FAM169A: variants seen among roughly 807,000 people sequenced by gnomAD.
FAM169A encodes the protein family with sequence similarity 169 member A, also known as soluble lamin-associated protein of 75 kDa.
Under a neutral mutation model 75.7 loss-of-function variants are expected in FAM169A, and 24 were observed. That is an observed-to-expected ratio of 0.32 (90% confidence interval 0.23 to 0.45). FAM169A has a LOEUF of 0.45. Among genes scored for constraint, FAM169A ranks in the 20% least tolerant of loss-of-function variants. The probability of loss-of-function intolerance (pLI) is 1.00; values close to 1 mark genes in which losing one functional copy is unlikely to be tolerated. For missense variants in FAM169A, 673 were observed against 784.0 expected, an observed-to-expected ratio of 0.86 and a Z score of 1.69; for synonymous variants, 271 against 271.0, an observed-to-expected ratio of 1.00 and a Z score of 0.00.
chr5:74,863,045 G>A (rs1347813208), intron 1 of FAM169A, among the ~76,000 whole-genome samples: 1 of 150,910 alleles, frequency 6.6e-6, no homozygotes, highest in African/African-American at 2.4e-5. Flanking sequence ...AAAAAGGCAG[G>A]GGTGGGAGGA....
At chr5:74,799,665 C>T (rs547259869) in intron 10 of FAM169A, 73 of 1,318,672 alleles carry the variant, frequency 5.5e-5, no homozygotes, top group South Asian at 2.3e-4. Context: ...GGGCCAGCCA[C>T]GACAGCACCA....
intron 11 of FAM169A, among the ~76,000 whole-genome samples, chr5:74,790,247 T>G (rs1195010603): frequency 9.2e-5 from 14 of 152,194 alleles, no homozygotes; most frequent in Non-Finnish European, 1.6e-4. Flanking sequence ...CTGCATGATA[T>G]GCAGGCACCA....
intron 1 of FAM169A, among the ~76,000 whole-genome samples, chr5:74,845,461 T>C (rs1749105712): frequency 6.6e-6 from 1 of 152,138 alleles, no homozygotes; most frequent in African/African-American, 2.4e-5. Context: ...GAGGTTGCAG[T>C]GAGCCGAGAT....
chr5:74,841,552 T>C lies in FAM169A; in HGVS notation c.125A>G (p.Asn42Ser), dbSNP rs774589874. 2.5e-6 allele frequency: 4 copies of C among 1,612,298 alleles called. No homozygotes were observed. Among genetic ancestry groups the C allele is most frequent in the Non-Finnish European group, 3.4e-6 (4 of 1,178,882 alleles). The part of the protein sequence containing the change: ...PENPECFSLL[N>S]ITIPISLSNV... ...CACTGCAGAACACCTTACCGTAATA[T>C]TGAGAAGAGAAAAACACTCTGGATT... The change falls in exon 2 of 13, where the codon AAT becomes AGT. Residue 42 changes from asparagine to serine, a missense_variant. Around this residue, in one of 3 missense-constraint regions of FAM169A, gnomAD observed 56 missense variants for 52.2 expected, o/e 1.07. Transcript: ENST00000687041.
chr5:74,785,821 T>C (rs1230361833), intron 11 of FAM169A, among the ~76,000 whole-genome samples: 1 of 152,218 alleles, frequency 6.6e-6, no homozygotes, highest in African/African-American at 2.4e-5. Flanking sequence ...AGGACATGAA[T>C]AGATAATTCT....
At chr5:74,811,869 T>A (rs1432048784) in intron 6 of FAM169A, among the ~76,000 whole-genome samples, 1 of 152,240 alleles carries the variant, frequency 6.6e-6, no homozygotes, top group Non-Finnish European at 1.5e-5. Context: ...GTAGAATTCA[T>A]ACAGTATGTA....
chr5:74,793,455 G>A (rs1442134039), intron 11 of FAM169A, among the ~76,000 whole-genome samples: 1 of 152,144 alleles, frequency 6.6e-6, no homozygotes, highest in Non-Finnish European at 1.5e-5. Context: ...AGTAACTCAG[G>A]AATGGAAAAC....
Position 74,809,664 on chromosome 5 carries a change from GAACA to G in FAM169A, c.670+4172_670+4175del, listed in dbSNP as rs1015032461. Among the ~76,000 whole-genome samples the G allele has an allele frequency of 1.4e-4, 21 of 152,190 alleles. No individual in the cohort carries two copies. In the East Asian group the frequency reaches 2.9e-3, roughly 21 times the overall value. On this transcript the variant is annotated intron_variant, in intron 6 of 12. Coordinates refer to ENST00000687041, the MANE Select transcript of FAM169A (RefSeq NM_001376049.1). Reference sequence around the variant, plus strand: ...TCAATACAACATAAGCAAAAGATGTGAACAAACACTTTACTTGTTCTACCCTTTT... The same window carrying G: ...TCAATACAACATAAGCAAAAGATGTGAACACTTTACTTGTTCTACCCTTTT...
intron 11 of FAM169A, among the ~76,000 whole-genome samples, chr5:74,783,525 T>G (rs1198009615): frequency 1.3e-5 from 2 of 152,182 alleles, no homozygotes; most frequent in Admixed American, 1.3e-4. Context: ...TGATGCTAGC[T>G]CTTTACATAA....
intron 1 of FAM169A, among the ~76,000 whole-genome samples, chr5:74,859,693 T>A (rs925760698): frequency 7.9e-5 from 12 of 152,194 alleles, no homozygotes; most frequent in African/African-American, 1.2e-4. Context: ...CATCACGATT[T>A]TTTTTAAATA....
chr5:74,825,577 C>T (rs13181798), intron 5 of FAM169A, among the ~76,000 whole-genome samples: 28,053 of 152,048 alleles, frequency 0.18, 3,030 homozygotes, highest in Non-Finnish European at 0.24. Context: ...AGAGCACAAA[C>T]TCTACTCACT....
intron 11 of FAM169A, among the ~76,000 whole-genome samples, chr5:74,789,676 C>T (rs1026024219): frequency 3.9e-5 from 6 of 152,172 alleles, no homozygotes; most frequent in Non-Finnish European, 8.8e-5. Context: ...TGGCAGGCCC[C>T]CATAGGTGAA....
At chr5:74,850,891 T>A (rs1749407375) in intron 1 of FAM169A, among the ~76,000 whole-genome samples, 1 of 152,146 alleles carries the variant, frequency 6.6e-6, no homozygotes, top group African/African-American at 2.4e-5. Context: ...TTTGAAAAAA[T>A]GCCTACTTGC....
chr5:74,861,295 C>A (rs899504272), intron 1 of FAM169A, among the ~76,000 whole-genome samples: 2 of 152,112 alleles, frequency 1.3e-5, no homozygotes, highest in Admixed American at 6.5e-5. Flanking sequence ...GAAATCTTAC[C>A]CTGTCTACTG....
At chr5:74,818,141 GA>G (rs1251446690) in intron 5 of FAM169A, among the ~76,000 whole-genome samples, 1 of 152,124 alleles carries the variant, frequency 6.6e-6, no homozygotes, top group Non-Finnish European at 1.5e-5. Flanking sequence ...AGTGACAAAA[GA>G]AAAAGTAGAT....
chr5:74,847,632 T>C (rs1749224083), intron 1 of FAM169A, among the ~76,000 whole-genome samples: 3 of 152,192 alleles, frequency 2.0e-5, no homozygotes, highest in Admixed American at 2.0e-4. Flanking sequence ...AATGTTCACC[T>C]GAATATAATC....
Position 74,781,736 on chromosome 5 carries a change from G to C in FAM169A, c.1737C>G (p.Pro579=). ...GAGGAAGAGCAGTAGATGTTTCCTGGGGCTCAGATACCCCCTCCTCACCCT... is the reference window on the plus strand; with the variant it reads ...GAGGAAGAGCAGTAGATGTTTCCTGCGGCTCAGATACCCCCTCCTCACCCT... ...EDQGEEGVSE[P]QETSTALPQS... The change falls in exon 13 of 13, where the codon CCC becomes CCG. Residue 579 remains proline, a synonymous_variant. Transcript: ENST00000687041. 6.2e-7 allele frequency: 1 copy of C among 1,614,040 alleles called. No individual in the cohort carries two copies. Among genetic ancestry groups the C allele is most frequent in the Non-Finnish European group, 8.5e-7 (1 of 1,180,000 alleles).
At position 74,781,184 on chromosome 5, in the gene FAM169A, C is replaced by A; in HGVS notation, c.*276G>T. On this transcript the variant is annotated 3_prime_UTR_variant, in exon 13 of 13. Transcript: ENST00000687041. Reference sequence around the variant, plus strand: ...TTTTTGAAATAATGGTCAGATGTACCACCTGATAAAGAAAATATAATATGA... The same window carrying A: ...TTTTTGAAATAATGGTCAGATGTACAACCTGATAAAGAAAATATAATATGA... 2.8e-6 allele frequency: 1 copy of A among 354,438 alleles called. No individual in the cohort carries two copies. The highest frequency in any genetic ancestry group is 5.1e-6 in the Non-Finnish European group (1 of 196,616). 22.0% of individuals were successfully genotyped at this position (354,438 alleles called of 1,614,324 possible).
At chr5:74,791,679 C>T (rs981202107) in intron 11 of FAM169A, among the ~76,000 whole-genome samples, 1 of 151,950 alleles carries the variant, frequency 6.6e-6, no homozygotes, top group Non-Finnish European at 1.5e-5. Context: ...ATTACGATGC[C>T]CTGTGATTAA....
Sources: allele counts gnomAD v4.1 joint callset (sites outside exome capture counted in the v4.1 genomes callset), GRCh38; gene constraint gnomAD v4.1.1; regional missense constraint gnomAD v4.1.1; transcripts MANE v1.5; gene names NCBI Gene and HGNC (gene_info 2026-07-23, HGNC 2026-07-21).